SPTBN1: variants seen among roughly 807,000 people sequenced by gnomAD.
SPTBN1 encodes spectrin beta, non-erythrocytic 1, also known as spectrin beta chain, non-erythrocytic 1.
Under a neutral mutation model 266.4 loss-of-function variants are expected in SPTBN1, and 32 were observed. The ratio of observed to expected loss-of-function variants is 0.12; its 90% CI spans 0.09 to 0.16. The LOEUF is 0.16. Among genes scored for constraint, SPTBN1 ranks in the 10% least tolerant of loss-of-function variants. SPTBN1 has a pLI of 1.00. For synonymous variants in SPTBN1, 1,336 were observed against 1,162.2 expected, an observed-to-expected ratio of 1.15 and a Z score of -3.04; for missense variants, 2,296 against 3,067.1, an observed-to-expected ratio of 0.75 and a Z score of 5.94.
intron 1 of SPTBN1, among the ~76,000 whole-genome samples, chr2:54,482,593 C>T (rs971979896): frequency 6.6e-6 from 1 of 152,166 alleles, no homozygotes; most frequent in Admixed American, 6.5e-5. Flanking sequence ...CAGGAAGTTA[C>T]TTATGTTTAT....
At chr2:54,542,465 G>T (rs1207483796) in intron 2 of SPTBN1, among the ~76,000 whole-genome samples, 1 of 152,200 alleles carries the variant, frequency 6.6e-6, no homozygotes, top group Non-Finnish European at 1.5e-5. Flanking sequence ...ATAGAAAACT[G>T]TTAATTAATC....
At chr2:54,502,378 C>A (rs926447909) in intron 1 of SPTBN1, among the ~76,000 whole-genome samples, 21 of 152,200 alleles carry the variant, frequency 1.4e-4, no homozygotes, top group African/African-American at 4.8e-4. Context: ...TTGCACTTTA[C>A]CTGCACGCCC....
At chr2:54,602,494 A>G (rs1676563219) in intron 3 of SPTBN1, among the ~76,000 whole-genome samples, 1 of 152,194 alleles carries the variant, frequency 6.6e-6, no homozygotes, top group Non-Finnish European at 1.5e-5. Flanking sequence ...GGGCGTCTGC[A>G]GTGAAGATTG....
chr2:54,583,691 T>G (rs1017629547), intron 2 of SPTBN1, among the ~76,000 whole-genome samples: 1 of 152,208 alleles, frequency 6.6e-6, no homozygotes, highest in Non-Finnish European at 1.5e-5. Flanking sequence ...ACTACCAATT[T>G]AGTATGCCCC....
chr2:54,578,213 T>A (rs894419577), intron 2 of SPTBN1, among the ~76,000 whole-genome samples: 3 of 152,350 alleles, frequency 2.0e-5, no homozygotes, highest in Admixed American at 2.0e-4. Context: ...GCTGCATCGT[T>A]GAGCATTTGC....
chr2:54,467,858 T>G (rs1459372257), intron 1 of SPTBN1, among the ~76,000 whole-genome samples: 1 of 152,150 alleles, frequency 6.6e-6, no homozygotes, highest in Non-Finnish European at 1.5e-5. Flanking sequence ...TAAGTTAGTA[T>G]AAAATCATCA....
rs375797031 is a variant in SPTBN1, at chr2:54,640,964, A to T, written c.3859-2019A>T. On this transcript the variant is annotated intron_variant, in intron 18 of 35. Transcript: ENST00000356805. ...CACCTATTCTCTGGAACTGATTTTT[A>T]TTTTTCCAGGAAGGCAGTATATCTA... Among the ~76,000 whole-genome samples, 304 of 152,198 alleles carry T rather than the reference A, an allele frequency of 2.0e-3. 4 individuals carry two copies. In the South Asian group the frequency reaches 0.036, roughly 18 times the overall value.
Position 54,653,662 on chromosome 2 carries a change from C to T in SPTBN1, c.5631C>T (p.Asp1877=), listed in dbSNP as rs1178881471. The T allele has an allele frequency of 2.5e-6, 4 of 1,614,012 alleles. No homozygotes were observed. Among genetic ancestry groups the T allele is most frequent in the Non-Finnish European group, 2.5e-6 (3 of 1,180,028 alleles). ...AARLQAAYAG[D]KADDIQKREN... ...GCCTCCAGGCGGCCTATGCGGGTGACAAGGCCGACGATATCCAGAAGCGCG... is the reference window on the plus strand; with the variant it reads ...GCCTCCAGGCGGCCTATGCGGGTGATAAGGCCGACGATATCCAGAAGCGCG... Residue 1877 remains aspartate (D), a synonymous_variant, in exon 27 of 36, where the codon GAC becomes GAT. Transcript: ENST00000356805. The surrounding 1 kb of genome is among the most constrained non-coding windows in gnomAD (Gnocchi z 5.1).
Position 54,631,336 on chromosome 2 carries a change from G to T in SPTBN1, c.3289G>T (p.Ala1097Ser). Reference protein sequence around the residue: ...SEDMPNTLTEAEKLLTQHENI... With the variant: ...SEDMPNTLTESEKLLTQHENI... ...GGACATGCCAAACACCCTGACCGAG[G>T]CTGAGAAGCTGCTCACGCAGCACGA... is the stretch of plus-strand genomic sequence containing the variant. Residue 1097 changes from alanine to serine, a missense_variant, in exon 16 of 36, where the codon GCT becomes TCT. Physicochemically the swap from Ala to Ser is moderately conservative, Grantham distance 99. Coordinates refer to ENST00000356805, the MANE Select transcript of SPTBN1 (RefSeq NM_003128.3). 6.2e-7 allele frequency: 1 copy of T among 1,614,270 alleles called. No individual in the cohort carries two copies. Among genetic ancestry groups the T allele is most frequent in the Non-Finnish European group, 8.5e-7 (1 of 1,180,056 alleles).
chr2:54,522,701 A>AGAGAGAGAGAGAGAGAGAG (rs1558802720), intron 1 of SPTBN1, among the ~76,000 whole-genome samples: 10 of 70,204 alleles, frequency 1.4e-4, no homozygotes, highest in Admixed American at 4.6e-4. Flanking sequence ...GAGAGAGAGA[A>AGAGAGAGAGAGAGAGAGAG]AGAAAGAAAG....
chr2:54,584,256 G>C (rs548922244), intron 2 of SPTBN1, among the ~76,000 whole-genome samples: 6 of 152,070 alleles, frequency 3.9e-5, no homozygotes, highest in Non-Finnish European at 8.8e-5. Flanking sequence ...AGGATGTCCC[G>C]TATTTTAATT....
chr2:54,592,678 C>T (rs930796926), intron 2 of SPTBN1, among the ~76,000 whole-genome samples: 31 of 152,322 alleles, frequency 2.0e-4, no homozygotes, highest in African/African-American at 6.0e-4. Context: ...TGTGAGCCAA[C>T]GCGCCCAGCT....
intron 1 of SPTBN1, among the ~76,000 whole-genome samples, chr2:54,492,495 CTG>C (rs1003183179): frequency 6.6e-6 from 1 of 152,154 alleles, no homozygotes; most frequent in African/African-American, 2.4e-5. Context: ...TTTTCAAAGG[CTG>C]TGTCATTCCT....
chr2:54,510,660 T>A (rs1669810452), intron 1 of SPTBN1, among the ~76,000 whole-genome samples: 1 of 152,240 alleles, frequency 6.6e-6, no homozygotes, highest in South Asian at 2.1e-4. Context: ...AATAGAAAAC[T>A]TGTTTATTAG....
chr2:54,461,580 T>TA (rs1358672728), intron 1 of SPTBN1, among the ~76,000 whole-genome samples: 2 of 152,250 alleles, frequency 1.3e-5, no homozygotes, highest in Non-Finnish European at 2.9e-5. Context: ...CCATAAGTGT[T>TA]ACAGTTCCAA....
chr2:54,592,031 A>G (rs1419892641), intron 2 of SPTBN1, among the ~76,000 whole-genome samples: 1 of 152,126 alleles, frequency 6.6e-6, no homozygotes, highest in Non-Finnish European at 1.5e-5. Flanking sequence ...GCCAGGTGTG[A>G]TGGTGCATGC....
intron 2 of SPTBN1, among the ~76,000 whole-genome samples, chr2:54,549,116 C>A (rs1180483026): frequency 6.6e-6 from 1 of 151,832 alleles, no homozygotes; most frequent in East Asian, 1.9e-4. Context: ...GTGGTGAAAC[C>A]CCATCTGTAC....
intron 1 of SPTBN1, among the ~76,000 whole-genome samples, chr2:54,464,906 G>C (rs190288414): frequency 6.6e-6 from 1 of 152,090 alleles, no homozygotes; most frequent in East Asian, 1.9e-4. Flanking sequence ...TGCCCAGGCT[G>C]GTCTTCAACT....
chr2:54,602,156 A>G (rs1356143687), intron 3 of SPTBN1, among the ~76,000 whole-genome samples: 1 of 152,204 alleles, frequency 6.6e-6, no homozygotes, highest in Non-Finnish European at 1.5e-5. Context: ...CTCATTTCTT[A>G]TTCTGAGTTC....
Sources: allele counts gnomAD v4.1 joint callset (sites outside exome capture counted in the v4.1 genomes callset), GRCh38; gene constraint gnomAD v4.1.1; non-coding constraint Gnocchi (gnomAD v3.1); transcripts MANE v1.5; gene names NCBI Gene and HGNC (gene_info 2026-07-23, HGNC 2026-07-21).